Variants in NPHP3 observed in about 807,000 individuals in gnomAD.
The protein encoded by NPHP3 is nephrocystin-3.
NPHP3 carries 123 observed loss-of-function variants against 171.9 expected under a neutral mutation model. The observed-to-expected ratio is 0.72, with a 90% CI of 0.62 to 0.83. The LOEUF (loss-of-function observed/expected upper bound fraction) is 0.83, where lower values mean the gene tolerates loss of function less well. Among genes scored for constraint, NPHP3 ranks in the 40% least tolerant of loss-of-function variants. The probability of loss-of-function intolerance (pLI) is 0.00; values close to 1 mark genes in which losing one functional copy is unlikely to be tolerated. For synonymous variants in NPHP3, 558 were observed against 579.2 expected, an observed-to-expected ratio of 0.96 and a Z score of 0.52; for missense variants, 1,506 against 1,591.9, an observed-to-expected ratio of 0.95 and a Z score of 0.92.
intron 15 of NPHP3, 104 bp downstream of exon 15, chr3:132,696,627 T>C (rs1335697806): frequency 1.0e-6 from 1 of 986,488 alleles, no homozygotes; most frequent in Non-Finnish European, 1.6e-6. Context: ...TCTGAGTGGC[T>C]CAACAGACTG....
Position 132,694,977 on chromosome 3 carries a change from G to C in NPHP3, c.2172-12C>G, listed in dbSNP as rs886038736. 1.9e-6 allele frequency: 3 copies of C among 1,613,102 alleles called. No individual in the cohort carries two copies. The highest frequency in any genetic ancestry group is 1.3e-5 in the African/African-American group (1 of 74,884). ...CTGCTCTCCCAGCACTGTTGGAATCGAGAAGAGATTTAATTTCTTACAGAT... is the reference window on the plus strand; with the variant it reads ...CTGCTCTCCCAGCACTGTTGGAATCCAGAAGAGATTTAATTTCTTACAGAT... On this transcript the variant is annotated splice_polypyrimidine_tract_variant and intron_variant, in intron 15 of 26. Transcript: ENST00000337331.
chr3:132,693,511 T>G (rs1939354752), intron 16 of NPHP3: 1 of 152,218 alleles, frequency 6.6e-6, no homozygotes, highest in African/African-American at 2.4e-5. Context: ...CGAGGAAGCT[T>G]GTGGGCTTGG....
At chr3:132,708,589 T>C (rs923835078) in intron 6 of NPHP3, among the ~76,000 whole-genome samples, 2 of 152,190 alleles carry the variant, frequency 1.3e-5, no homozygotes, top group Non-Finnish European at 2.9e-5. Flanking sequence ...ACTAGACTCA[T>C]GAGACTTTGA....
At chr3:132,715,879 C>T (rs1220677582) in intron 4 of NPHP3, among the ~76,000 whole-genome samples, 5 of 152,172 alleles carry the variant, frequency 3.3e-5, no homozygotes, top group Non-Finnish European at 5.9e-5. Flanking sequence ...CCCTTGGTAT[C>T]AATGGAGGAT....
intron 16 of NPHP3, 62 bp from the exon 17 acceptor site, chr3:132,692,880 T>G: frequency 1.5e-6 from 2 of 1,353,698 alleles, no homozygotes; most frequent in East Asian, 2.3e-5. Context: ...TAACGGCCAT[T>G]AAAAGTTCCA....
At chr3:132,696,639 T>G in intron 15 of NPHP3, 92 bp downstream of exon 15, 1 of 1,061,214 alleles carries the variant, frequency 9.4e-7, no homozygotes, top group Non-Finnish European at 1.5e-6. Flanking sequence ...AACAGACTGG[T>G]GTAGTGATCA....
At chr3:132,685,095 C>T (rs558212662) in intron 23 of NPHP3, 1 of 312,674 alleles carries the variant, frequency 3.2e-6, no homozygotes, top group East Asian at 7.3e-5. Flanking sequence ...GACCTAGGTC[C>T]AATAAAAGAT....
chr3:132,701,434 T>C lies in NPHP3; in HGVS notation c.1624A>G (p.Lys542Glu). 6.3e-7 allele frequency: 1 copy of C among 1,598,430 alleles called. No homozygotes were observed. Among genetic ancestry groups the C allele is most frequent in the Non-Finnish European group, 8.6e-7 (1 of 1,165,756 alleles). Residue 542 changes from lysine to glutamate, a missense_variant, in exon 10 of 27, where the codon AAG (lysine) becomes GAG (glutamate). By Grantham distance (56) the Lys-to-Glu change is moderately conservative (BLOSUM62 1). Around this residue, in one of 3 missense-constraint regions of NPHP3, gnomAD observed 930 missense variants for 924.9 expected, o/e 1.01. Coordinates refer to ENST00000337331, the MANE Select transcript of NPHP3 (RefSeq NM_153240.5). ...PGSGKSLLLS[K>E]WIQLQQKNSP... ...TTTAATTGCACTGCATCATACCACT[T>C]TGATAAAAGAAGAGACTTCCCAGAA...
chr3:132,691,791 A>G (rs1939306360), intron 17 of NPHP3, among the ~76,000 whole-genome samples: 1 of 152,236 alleles, frequency 6.6e-6, no homozygotes, highest in African/African-American at 2.4e-5. Context: ...AGTACCTCAC[A>G]AGGACCAAGA....
intron 19 of NPHP3, among the ~76,000 whole-genome samples, chr3:132,689,651 G>A (rs989111346): frequency 1.3e-5 from 2 of 152,154 alleles, no homozygotes; most frequent in Non-Finnish European, 2.9e-5. Context: ...GCCAACCACT[G>A]AGTTCACTCC....
At chr3:132,692,904 G>C (rs904353214) in intron 16 of NPHP3, 86 bp from the exon 17 acceptor site, 2 of 1,119,064 alleles carry the variant, frequency 1.8e-6, no homozygotes, top group African/African-American at 3.1e-5. Flanking sequence ...TTCTTTTAAG[G>C]CTATTTCTTT....
chr3:132,705,928 A>G (rs1939735473), intron 7 of NPHP3, 114 bp from the exon 8 acceptor site: 2 of 623,306 alleles, frequency 3.2e-6, no homozygotes, highest in Admixed American at 2.6e-5. Flanking sequence ...TTTAACACAT[A>G]TTAGCTAATT....
intron 4 of NPHP3, 75 bp from the exon 5 acceptor site, chr3:132,715,293 C>T: frequency 8.4e-7 from 1 of 1,196,692 alleles, no homozygotes; most frequent in Non-Finnish European, 1.2e-6. Context: ...GTTTTAAAAA[C>T]ATAACAGGCA....
In NPHP3 at chr3:132,700,078, C is replaced by A; in HGVS notation, c.1744-17G>T. On this transcript the variant is annotated splice_polypyrimidine_tract_variant and intron_variant, in intron 11 of 26. Transcript: ENST00000337331. ...CTGCATCAACTACAAGATAAGAACA[C>A]ACACAAACTGAAGTAGTTACACGTA... The A allele has an allele frequency of 6.2e-7, 1 of 1,613,700 alleles. No individual in the cohort carries two copies. The highest frequency in any genetic ancestry group is 8.5e-7 in the Non-Finnish European group (1 of 1,179,624).
In NPHP3 at chr3:132,683,518, G is replaced by A; in HGVS notation, c.3577C>T (p.Leu1193Phe). ...TCATACAAAGGTACAGCTTTGTCAA[G>A]TTTCCCCTAAAAAACAAGAGTTAAA... ...LAILYKKMGKLDKAVPLYELA... is the reference protein window; with the variant it reads ...LAILYKKMGKFDKAVPLYELA... The change falls in exon 25 of 27, where the codon CTT becomes TTT. Residue 1193 changes from leucine to phenylalanine, a missense_variant. Coordinates refer to ENST00000337331, the MANE Select transcript of NPHP3 (RefSeq NM_153240.5). The A allele has an allele frequency of 5.0e-6, 8 of 1,611,982 alleles. No individual in the cohort carries two copies. Among genetic ancestry groups the A allele is most frequent in the Non-Finnish European group, 6.8e-6 (8 of 1,178,650 alleles).
chr3:132,713,944 T>C (rs1939980605), intron 5 of NPHP3, among the ~76,000 whole-genome samples: 1 of 152,252 alleles, frequency 6.6e-6, no homozygotes, highest in Non-Finnish European at 1.5e-5. Context: ...AGGTATAGCA[T>C]GTGACACACA....
chr3:132,696,323 T>A (rs1390812141), intron 15 of NPHP3, among the ~76,000 whole-genome samples: 1 of 152,200 alleles, frequency 6.6e-6, no homozygotes, highest in African/African-American at 2.4e-5. Context: ...ATTTTTATAA[T>A]TAAAAAGTTT....
chr3:132,719,775 G>C lies in NPHP3; in HGVS notation c.449C>G (p.Ala150Gly), dbSNP rs142663818. 1.5e-5 allele frequency: 24 copies of C among 1,599,762 alleles called. No individual in the cohort carries two copies. Among genetic ancestry groups the C allele is most frequent in the Non-Finnish European group, 2.0e-5 (24 of 1,171,134 alleles). ...TGCTCTCTCCATTGCTTGGTATTTC[G>C]CTTCTAAAGCACTTTCTTTTTCTCG... ...ILREKESALE[A>G]KYQAMERAAT... Residue 150 changes from alanine to glycine, a missense_variant, in exon 2 of 27, where the codon GCG becomes GGG. Transcript: ENST00000337331.
intron 6 of NPHP3, among the ~76,000 whole-genome samples, chr3:132,709,688 G>GGT (rs138040526): frequency 5.3e-5 from 8 of 151,498 alleles, no homozygotes; most frequent in East Asian, 1.9e-4. Flanking sequence ...TTTTGTGGGG[G>GGT]GTGTGTGTGT....
Sources: gnomAD v4.1 joint callset for allele counts (sites outside exome capture counted in the v4.1 genomes callset) on GRCh38, gnomAD v4.1.1 for gene constraint, gnomAD v4.1.1 regional missense constraint, MANE v1.5 for transcripts, NCBI Gene and HGNC (gene_info 2026-07-23, HGNC 2026-07-21) for gene names.